PARD3B: variants seen among roughly 807,000 people sequenced by gnomAD.
PARD3B encodes par-3 family cell polarity regulator beta.
Under a neutral mutation model 130.2 loss-of-function variants are expected in PARD3B, and 103 were observed. The observed-to-expected ratio is 0.79, with a 90% CI of 0.67 to 0.93. PARD3B has a LOEUF of 0.93. Ranked by LOEUF, PARD3B falls within the 40% of genes least tolerant of loss-of-function variation. The pLI, the probability that PARD3B is intolerant of heterozygous loss-of-function variation, is 0.00. For missense variants in PARD3B, 1,609 were observed against 1,499.2 expected (o/e 1.07, Z -1.21); for synonymous variants, 583 against 553.2 (o/e 1.05, Z -0.76).
chr2:205,538,670 C>T (rs887406444), intron 21 of PARD3B, among the ~76,000 whole-genome samples: 46 of 152,164 alleles, frequency 3.0e-4, no homozygotes, highest in African/African-American at 9.9e-4. Context: ...ATACCGTTTT[C>T]GGAATAGTAT....
Position 205,121,586 on chromosome 2 carries a change from T to G in PARD3B, c.807-5T>G, listed in dbSNP as rs1488602018. Reference sequence around the variant, plus strand: ...TCATCATACATTTATCAACTTTCTTTCCAGGGCTCAAGATGTCTTCCGCCA... The same window carrying G: ...TCATCATACATTTATCAACTTTCTTGCCAGGGCTCAAGATGTCTTCCGCCA... On this transcript the variant is annotated splice_polypyrimidine_tract_variant and splice_region_variant and intron_variant, in intron 7 of 22. Coordinates refer to ENST00000406610, the MANE Select transcript of PARD3B (RefSeq NM_001302769.2). This position sits in a 1 kb window ranked among gnomAD's most constrained non-coding sequence, Gnocchi z 5.0. The G allele has an allele frequency of 6.2e-7, 1 of 1,609,888 alleles. No homozygotes were observed. Among genetic ancestry groups the G allele is most frequent in the East Asian group, 2.2e-5 (1 of 44,808 alleles).
At chr2:205,150,250 T>TGCGCGC (rs534448642) in intron 10 of PARD3B, among the ~76,000 whole-genome samples, 4,172 of 92,816 alleles carry the variant, frequency 0.045, 75 homozygotes, top group Non-Finnish European at 0.068. Flanking sequence ...TGTGTGTGTG[T>TGCGCGC]GTGCACACAC....
chr2:204,845,203 G>T (rs2044410918), intron 2 of PARD3B, among the ~76,000 whole-genome samples: 1 of 152,092 alleles, frequency 6.6e-6, no homozygotes, highest in African/African-American at 2.4e-5. Context: ...TATAAAAAGT[G>T]TATGTAGCCA....
At chr2:204,969,926 T>C (rs1400924537) in intron 3 of PARD3B, among the ~76,000 whole-genome samples, 1 of 152,102 alleles carries the variant, frequency 6.6e-6, no homozygotes, top group Non-Finnish European at 1.5e-5. Context: ...CGTGTGTGTG[T>C]GTGTGTGTTT....
intron 1 of PARD3B, among the ~76,000 whole-genome samples, chr2:204,635,192 T>C (rs2034831784): frequency 6.6e-6 from 1 of 152,208 alleles, no homozygotes; most frequent in African/African-American, 2.4e-5. Flanking sequence ...GCTTCTTTGC[T>C]TACTGCTATG....
Position 205,124,438 on chromosome 2 carries a change from G to A in PARD3B, c.1277G>A (p.Arg426His), listed in dbSNP as rs369199161. The A allele has an allele frequency of 2.9e-5, 46 of 1,597,906 alleles. No individual in the cohort carries two copies. The highest frequency in any genetic ancestry group is 9.0e-5 in the East Asian group (4 of 44,328). Residue 426 changes from arginine to histidine, a missense_variant, in exon 9 of 23, where the codon CGC (arginine) becomes CAC (histidine). Arg to His is a conservative substitution (Grantham distance 29). Coordinates refer to ENST00000406610, the MANE Select transcript of PARD3B (RefSeq NM_001302769.2). ...AAGGGAGCAGCAATAAAAGATGGCC[G>A]CCTACAATCAGGGGACAGAATTTTG... The part of the protein sequence containing the change: ...LPKGAAIKDG[R>H]LQSGDRILEV...
chr2:205,045,662 A>G (rs1698724674), intron 3 of PARD3B, among the ~76,000 whole-genome samples: 1 of 152,068 alleles, frequency 6.6e-6, no homozygotes, highest in Non-Finnish European at 1.5e-5. Flanking sequence ...ATTTGAAGAA[A>G]AATTACCTAC....
At chr2:205,259,546 C>G (rs893356566) in intron 16 of PARD3B, among the ~76,000 whole-genome samples, 1 of 151,958 alleles carries the variant, frequency 6.6e-6, no homozygotes, top group African/African-American at 2.4e-5. Flanking sequence ...GTGTAGATTT[C>G]TTTATATTAT....
intron 1 of PARD3B, among the ~76,000 whole-genome samples, chr2:204,649,064 A>C (rs1040946537): frequency 3.0e-5 from 4 of 131,298 alleles, no homozygotes; most frequent in Admixed American, 9.2e-5. Context: ...ATATATATTT[A>C]TAATATATAT....
At chr2:205,270,188 A>T (rs925007294) in intron 16 of PARD3B, among the ~76,000 whole-genome samples, 1 of 152,184 alleles carries the variant, frequency 6.6e-6, no homozygotes, top group Non-Finnish European at 1.5e-5. Flanking sequence ...CCTGTCAGTA[A>T]TAATAATATC....
rs556008621 is a variant in PARD3B, at chr2:204,827,111, A to G, written c.223-138041A>G. 2.0e-5 allele frequency among the ~76,000 whole-genome samples: 3 copies of G among 152,316 alleles called. No individual in the cohort carries two copies. In the East Asian group the frequency reaches 5.8e-4, roughly 29 times the overall value. On this transcript the variant is annotated intron_variant, in intron 2 of 22. Coordinates refer to ENST00000406610, the MANE Select transcript of PARD3B (RefSeq NM_001302769.2). ...TTCTAGTGGTTGATCTTATGTGTTT[A>G]TATTTGCTCAGAAAATAAAAACTAG... is the stretch of plus-strand genomic sequence containing the variant.
intron 16 of PARD3B, among the ~76,000 whole-genome samples, chr2:205,261,646 A>G (rs2040316262): frequency 6.6e-6 from 1 of 152,310 alleles, no homozygotes; most frequent in East Asian, 1.9e-4. Flanking sequence ...AAGAAACCAC[A>G]TAATAAAAAG....
intron 2 of PARD3B, among the ~76,000 whole-genome samples, chr2:204,913,075 C>G (rs895815343): frequency 6.6e-6 from 1 of 152,102 alleles, no homozygotes; most frequent in Admixed American, 6.5e-5. Flanking sequence ...ATAATATTTC[C>G]TAAAGATGCG....
At chr2:205,364,973 G>A (rs541358249) in intron 18 of PARD3B, among the ~76,000 whole-genome samples, 6 of 152,076 alleles carry the variant, frequency 3.9e-5, no homozygotes, top group East Asian at 1.9e-4. Context: ...AGGCCAAGGC[G>A]AGTAGATCAC....
At chr2:205,476,390 G>A (rs896804023) in intron 20 of PARD3B, among the ~76,000 whole-genome samples, 4 of 152,096 alleles carry the variant, frequency 2.6e-5, no homozygotes, top group African/African-American at 9.7e-5. Flanking sequence ...AAAAGCCACA[G>A]TAAGTAGGCT....
chr2:204,922,514 G>T (rs1405598968), intron 2 of PARD3B, among the ~76,000 whole-genome samples: 1 of 151,988 alleles, frequency 6.6e-6, no homozygotes, highest in African/African-American at 2.4e-5. Context: ...AGGTTCAGGG[G>T]AGTAGTAGAA....
Position 205,350,868 on chromosome 2 carries a change from A to G in PARD3B, c.2630+49167A>G, listed in dbSNP as rs548703898. On this transcript the variant is annotated intron_variant, in intron 18 of 22. Coordinates refer to ENST00000406610, the MANE Select transcript of PARD3B (RefSeq NM_001302769.2). ...ATTTTGTTTGGTTTCCTAGCATTTG[A>G]AAAAGTATATTCTTGACTTTTCTCG... 7.9e-4 allele frequency among the ~76,000 whole-genome samples: 120 copies of G among 152,320 alleles called. 1 individual carries two copies. The highest frequency in any genetic ancestry group is 2.3e-3 in the South Asian group (11 of 4,820).
rs776454003 is a variant in PARD3B, at chr2:204,965,314, C to A, written c.385C>A (p.Leu129Ile). 1.2e-6 allele frequency: 2 copies of A among 1,613,558 alleles called. No homozygotes were observed. The highest frequency in any genetic ancestry group is 8.5e-7 in the Non-Finnish European group (1 of 1,179,798). Residue 129 changes from leucine to isoleucine, a missense_variant, in exon 3 of 23, where the codon CTA becomes ATA. Coordinates refer to ENST00000406610, the MANE Select transcript of PARD3B (RefSeq NM_001302769.2). ...GGEIEVTPSA[L>I]KLGTPLLVRR... ...GGAGATTGAAGTAACCCCTTCTGCT[C>A]TAAAACTAGGTATGTGTAATGTTTA...
In PARD3B at chr2:205,351,054, G is replaced by T. The variant is rs2043978709; in HGVS notation, c.2630+49353G>T. On this transcript the variant is annotated intron_variant, in intron 18 of 22. Coordinates refer to ENST00000406610, the MANE Select transcript of PARD3B (RefSeq NM_001302769.2). The surrounding 1 kb of genome is among the most constrained non-coding windows in gnomAD (Gnocchi z 4.2). ...AACTTCTAAAAAAATCTGTCTTCTT[G>T]GTTCAGTCTTGCTGGTTTTCTCTTC... Among the ~76,000 whole-genome samples the T allele has an allele frequency of 6.6e-6, 1 of 152,024 alleles. No homozygotes were observed. Among genetic ancestry groups the T allele is most frequent in the African/African-American group, 2.4e-5 (1 of 41,392 alleles).
Sources: allele counts gnomAD v4.1 joint callset (sites outside exome capture counted in the v4.1 genomes callset), GRCh38; gene constraint gnomAD v4.1.1; non-coding constraint Gnocchi (gnomAD v3.1); transcripts MANE v1.5; gene names NCBI Gene and HGNC (gene_info 2026-07-23, HGNC 2026-07-21).